The following FCHSD2 variants were observed in gnomAD, a reference collection of about 807,000 sequenced individuals.
FCHSD2 encodes F-BAR and double SH3 domains protein 2.
Under a neutral mutation model 108.1 loss-of-function variants are expected in FCHSD2, and 38 were observed. That is an observed-to-expected ratio of 0.35 (90% CI 0.27 to 0.46). FCHSD2 has a LOEUF of 0.46. Among genes scored for constraint, FCHSD2 ranks in the 20% least tolerant of loss-of-function variants. The pLI is 1.00. For missense variants in FCHSD2, 751 were observed against 897.8 expected (o/e 0.84, Z 2.09); for synonymous variants, 279 against 314.7 (o/e 0.89, Z 1.20).
At chr11:72,855,273 G>A (rs565609619) in intron 13 of FCHSD2, among the ~76,000 whole-genome samples, 12 of 149,802 alleles carry the variant, frequency 8.0e-5, no homozygotes, top group African/African-American at 2.5e-4. Flanking sequence ...GCAAAACTCC[G>A]TCTCAAAAAC....
At position 73,096,987 on chromosome 11, in the gene FCHSD2, A is replaced by ATTTTTTTT. The variant is rs60223064; in HGVS notation, c.120-13255_120-13248dup. On this transcript the variant is annotated intron_variant, in intron 2 of 19. Transcript: ENST00000409418. ...CTAATGTGATGTATTTCATTGATGGATTTTTTTTTTTTTTTTTTTTTTTTT... is the reference window on the plus strand; with the variant it reads ...CTAATGTGATGTATTTCATTGATGGATTTTTTTTTTTTTTTTTTTTTTTTTTTTTTTTT... Among the ~76,000 whole-genome samples, 190 of 26,970 alleles carry ATTTTTTTT rather than the reference A, an allele frequency of 7.0e-3. 54 individuals are homozygous for ATTTTTTTT. The highest frequency in any genetic ancestry group is 0.024 in the African/African-American group (119 of 4,990). 17.7% of individuals were successfully genotyped at this position (26,970 alleles called of 152,430 possible).
chr11:72,928,152 G>A (rs891093654), intron 8 of FCHSD2, among the ~76,000 whole-genome samples: 2 of 151,316 alleles, frequency 1.3e-5, no homozygotes, highest in African/African-American at 4.9e-5. Flanking sequence ...GTACGTGGGG[G>A]TCATTATACT....
At chr11:73,001,480 CTTCA>C (rs892538065) in intron 4 of FCHSD2, among the ~76,000 whole-genome samples, 3 of 152,068 alleles carry the variant, frequency 2.0e-5, no homozygotes, top group African/African-American at 7.2e-5. Context: ...AGTTTTATTA[CTTCA>C]TTAAGTTATT....
intron 13 of FCHSD2, among the ~76,000 whole-genome samples, chr11:72,862,860 G>A (rs1192303743): frequency 2.0e-5 from 3 of 152,046 alleles, no homozygotes; most frequent in Non-Finnish European, 2.9e-5. Context: ...GTGCAATACC[G>A]GCATCAAGCT....
intron 2 of FCHSD2, among the ~76,000 whole-genome samples, chr11:73,112,901 A>G (rs1860521013): frequency 1.3e-5 from 2 of 152,094 alleles, no homozygotes; most frequent in African/African-American, 2.4e-5. Context: ...CCTGACCTCA[A>G]ATAATCCACC....
chr11:73,111,409 T>G (rs550513157), intron 2 of FCHSD2, among the ~76,000 whole-genome samples: 3 of 152,148 alleles, frequency 2.0e-5, no homozygotes, highest in Non-Finnish European at 4.4e-5. Flanking sequence ...GATATATGCA[T>G]AGCTACTCCT....
At chr11:72,886,682 C>T (rs1294428919) in intron 12 of FCHSD2, among the ~76,000 whole-genome samples, 1 of 152,148 alleles carries the variant, frequency 6.6e-6, no homozygotes, top group Non-Finnish European at 1.5e-5. Context: ...TGGCCCTAAC[C>T]ACAACAAGTT....
intron 13 of FCHSD2, among the ~76,000 whole-genome samples, chr11:72,857,333 T>C (rs1861450732): frequency 6.6e-6 from 1 of 152,194 alleles, no homozygotes; most frequent in Non-Finnish European, 1.5e-5. Flanking sequence ...TAAGGACTGC[T>C]CTCTCCTTTT....
chr11:72,845,462 C>CAAAAAAAAAAAAA (rs1346526182), intron 14 of FCHSD2, among the ~76,000 whole-genome samples: 1 of 17,384 alleles, frequency 5.8e-5, no homozygotes, highest in African/African-American at 1.2e-4. Flanking sequence ...AAAAAAAAAA[C>CAAAAAAAAAAAAA]AACAACAAAC....
At chr11:73,075,916 C>T (rs575853666) in intron 3 of FCHSD2, among the ~76,000 whole-genome samples, 11 of 152,060 alleles carry the variant, frequency 7.2e-5, no homozygotes, top group African/African-American at 2.4e-4. Flanking sequence ...TCCAGGAGTT[C>T]GAGACCAGCC....
chr11:72,932,227 C>T (rs1856208161), intron 8 of FCHSD2, among the ~76,000 whole-genome samples: 2 of 152,150 alleles, frequency 1.3e-5, no homozygotes, highest in Admixed American at 6.5e-5. Context: ...ACAGCTACTC[C>T]CCTCTGGCCA....
At chr11:72,885,150 G>A (rs1855170041) in intron 12 of FCHSD2, among the ~76,000 whole-genome samples, 1 of 152,108 alleles carries the variant, frequency 6.6e-6, no homozygotes, top group East Asian at 1.9e-4. Context: ...TGATAATCCT[G>A]TAAGTACTAC....
In FCHSD2 at chr11:73,015,822, G is replaced by A. The variant is rs536621200; in HGVS notation, c.229C>T (p.Arg77Trp). 42 of 1,602,400 alleles carry A rather than the reference G, an allele frequency of 2.6e-5. No individual in the cohort carries two copies. The highest frequency in any genetic ancestry group is 1.9e-4 in the Admixed American group (11 of 59,084). ...RDWPGVKADD[R>W]NDYRSMYPVW... ...CTACTAATTTACCTGTAATCATTCCGATCATCAGCTTTTACTCCAGGCCAA... is the reference window on the plus strand; with the variant it reads ...CTACTAATTTACCTGTAATCATTCCAATCATCAGCTTTTACTCCAGGCCAA... The change falls in exon 4 of 20, where the codon CGG (arginine) becomes TGG (tryptophan). Residue 77 changes from arginine (R) to tryptophan (W), a missense_variant. Arg to Trp is a moderately radical substitution (Grantham distance 101). Transcript: ENST00000409418.
chr11:72,916,581 T>C (rs1462479708), intron 9 of FCHSD2, among the ~76,000 whole-genome samples: 2 of 152,172 alleles, frequency 1.3e-5, no homozygotes, highest in South Asian at 2.1e-4. Flanking sequence ...TTCCAAAGTA[T>C]TGGGATTACA....
At chr11:72,850,728 C>T (rs1383073292) in intron 13 of FCHSD2, among the ~76,000 whole-genome samples, 1 of 152,006 alleles carries the variant, frequency 6.6e-6, no homozygotes, top group Non-Finnish European at 1.5e-5. Flanking sequence ...TATCCTTTCA[C>T]TTTTCACTGT....
chr11:73,102,523 T>C (rs571818291), intron 2 of FCHSD2, among the ~76,000 whole-genome samples: 1 of 152,212 alleles, frequency 6.6e-6, no homozygotes, highest in East Asian at 1.9e-4. Flanking sequence ...AATAAACAAA[T>C]TGCAGTTGTA....
chr11:72,865,225 G>A (rs756476629), intron 13 of FCHSD2, among the ~76,000 whole-genome samples: 59 of 152,178 alleles, frequency 3.9e-4, no homozygotes, highest in Non-Finnish European at 7.3e-5. Flanking sequence ...TCTGCTTCAT[G>A]TTCCTCAGCC....
chr11:72,893,985 G>C (rs1306358456), intron 10 of FCHSD2, among the ~76,000 whole-genome samples: 1 of 152,170 alleles, frequency 6.6e-6, no homozygotes, highest in African/African-American at 2.4e-5. Flanking sequence ...AGATATCTGA[G>C]CAGAGTGAGC....
At chr11:72,924,564 G>A (rs1241122964) in intron 8 of FCHSD2, among the ~76,000 whole-genome samples, 2 of 151,494 alleles carry the variant, frequency 1.3e-5, no homozygotes, top group African/African-American at 2.4e-5. Flanking sequence ...TTACAGACAT[G>A]AGCCACCACG....
Sources: allele counts gnomAD v4.1 joint callset (sites outside exome capture counted in the v4.1 genomes callset), GRCh38; gene constraint gnomAD v4.1.1; transcripts MANE v1.5; gene names NCBI Gene and HGNC (gene_info 2026-07-23, HGNC 2026-07-21).